Variants in DAB1 observed in about 807,000 individuals in gnomAD.
DAB1 encodes DAB adaptor protein 1, also known as disabled homolog 1.
Under a neutral mutation model 64.6 loss-of-function variants are expected in DAB1, and 15 were observed. That is an observed-to-expected ratio of 0.23 (90% confidence interval 0.16 to 0.36). The LOEUF (loss-of-function observed/expected upper bound fraction) is 0.36, where lower values mean the gene tolerates loss of function less well. DAB1 is among the 10% of genes least tolerant of loss of function. The pLI, the probability that DAB1 is intolerant of heterozygous loss-of-function variation, is 1.00. For synonymous variants in DAB1, 235 were observed against 251.9 expected, an observed-to-expected ratio of 0.93 and a Z score of 0.64; for missense variants, 596 against 706.7, an observed-to-expected ratio of 0.84 and a Z score of 1.78.
chr1:57,307,814 T>C (rs60311519), intron 1 of DAB1, among the ~76,000 whole-genome samples: 16,990 of 151,996 alleles, frequency 0.11, 1,140 homozygotes, highest in African/African-American at 0.18. Flanking sequence ...TAGACCATAC[T>C]CTCTTCCCTG....
chr1:57,313,651 C>T (rs1008428448), intron 1 of DAB1, among the ~76,000 whole-genome samples: 8 of 152,186 alleles, frequency 5.3e-5, no homozygotes, highest in South Asian at 2.1e-4. Flanking sequence ...CCTCCCACCA[C>T]GCCTGTTCCA....
intron 4 of DAB1, among the ~76,000 whole-genome samples, chr1:57,117,615 G>A (rs967259717): frequency 1.2e-4 from 18 of 152,138 alleles, no homozygotes; most frequent in African/African-American, 1.9e-4. Flanking sequence ...GGTGCAGTGC[G>A]GTATATGTCA....
At chr1:57,532,642 T>C (rs1189539989) in intron 7 of DAB1, among the ~76,000 whole-genome samples, 1 of 152,184 alleles carries the variant, frequency 6.6e-6, no homozygotes, top group Admixed American at 6.5e-5. Context: ...TACTCCATCT[T>C]GTAGGATGTG....
At chr1:58,186,337 T>G (rs1657074291) in intron 4 of DAB1, among the ~76,000 whole-genome samples, 2 of 152,202 alleles carry the variant, frequency 1.3e-5, no homozygotes, top group Admixed American at 6.5e-5. Context: ...CTCTGCCTCT[T>G]TCTGAGATTT....
At chr1:58,201,722 TCTC>T (rs928050466) in intron 4 of DAB1, among the ~76,000 whole-genome samples, 2 of 152,226 alleles carry the variant, frequency 1.3e-5, no homozygotes, top group Admixed American at 1.3e-4. Context: ...TGATATCCGA[TCTC>T]CTGCTTTCTC....
chr1:58,074,523 C>CATATATAT (rs1233352276), intron 5 of DAB1: 30 of 84,146 alleles, frequency 3.6e-4, no homozygotes, highest in African/African-American at 8.6e-4. Flanking sequence ...AATATATATA[C>CATATATAT]ATATATATAT....
intron 3 of DAB1, among the ~76,000 whole-genome samples, chr1:58,447,644 G>A (rs551205349): frequency 2.0e-5 from 3 of 152,176 alleles, no homozygotes; most frequent in East Asian, 1.9e-4. Flanking sequence ...AAGAAGGAAC[G>A]ATACACAGTG....
intron 2 of DAB1, among the ~76,000 whole-genome samples, chr1:57,161,557 AC>A (rs1439028201): frequency 6.6e-6 from 1 of 152,248 alleles, no homozygotes; most frequent in African/African-American, 2.4e-5. Context: ...CCAGGCACTG[AC>A]AAAGTCGTAT....
At chr1:57,199,162 G>C (rs570540511) in intron 2 of DAB1, among the ~76,000 whole-genome samples, 1 of 152,324 alleles carries the variant, frequency 6.6e-6, no homozygotes, top group East Asian at 1.9e-4. Flanking sequence ...GCTCTGGTGA[G>C]TGTCTTTGTT....
At chr1:58,040,051 T>C (rs1647111328) in intron 5 of DAB1, among the ~76,000 whole-genome samples, 1 of 152,158 alleles carries the variant, frequency 6.6e-6, no homozygotes, top group African/African-American at 2.4e-5. Context: ...GGAGGAATGA[T>C]TGCATATTCA....
At chr1:57,438,881 T>TTCATCCTAC (rs1199350758) in intron 7 of DAB1, among the ~76,000 whole-genome samples, 4 of 152,224 alleles carry the variant, frequency 2.6e-5, no homozygotes, top group Admixed American at 2.0e-4. Context: ...TACTTTAGCA[T>TTCATCCTAC]TCATCCTACT....
chr1:57,113,044 G>C (rs1198040552), intron 4 of DAB1, among the ~76,000 whole-genome samples: 1 of 152,144 alleles, frequency 6.6e-6, no homozygotes, highest in Admixed American at 6.5e-5. Context: ...GGAGGAAAAA[G>C]GGGGTGAACA....
chr1:57,527,721 T>G (rs1013522294), intron 7 of DAB1, among the ~76,000 whole-genome samples: 1 of 152,172 alleles, frequency 6.6e-6, no homozygotes, highest in Non-Finnish European at 1.5e-5. Context: ...AATAACAAAA[T>G]TATATTTTCA....
chr1:58,005,523 C>CATA (rs1336790727), intron 5 of DAB1, among the ~76,000 whole-genome samples: 1 of 149,684 alleles, frequency 6.7e-6, no homozygotes, highest in East Asian at 2.0e-4. Context: ...AATCAGTAAA[C>CATA]ATGCTATATC....
intron 5 of DAB1, among the ~76,000 whole-genome samples, chr1:58,037,583 T>C (rs759271092): frequency 7.2e-5 from 11 of 152,144 alleles, no homozygotes; most frequent in East Asian, 1.9e-4. Flanking sequence ...GATGCCTGAT[T>C]GAGATTGATC....
At chr1:57,172,939 C>T (rs1004933172) in intron 2 of DAB1, among the ~76,000 whole-genome samples, 4 of 152,158 alleles carry the variant, frequency 2.6e-5, no homozygotes, top group Non-Finnish European at 5.9e-5. Flanking sequence ...CCAGTCCATG[C>T]CCTTTCCACT....
intron 4 of DAB1, among the ~76,000 whole-genome samples, chr1:58,253,881 T>A (rs1660862370): frequency 6.6e-6 from 1 of 152,152 alleles, no homozygotes; most frequent in Admixed American, 6.5e-5. Flanking sequence ...GAGCTTCTGT[T>A]TTTCAACTGG....
At chr1:57,317,217 A>G (rs1675287784) in intron 1 of DAB1, among the ~76,000 whole-genome samples, 1 of 152,100 alleles carries the variant, frequency 6.6e-6, no homozygotes, top group Non-Finnish European at 1.5e-5. Flanking sequence ...AGGTCCACCA[A>G]CGGCCCCTTG....
chr1:58,502,215 G>A (rs778486391), intron 3 of DAB1, among the ~76,000 whole-genome samples: 106 of 152,074 alleles, frequency 7.0e-4, no homozygotes, highest in Non-Finnish European at 1.3e-3. Flanking sequence ...AAATCAAAAT[G>A]ATCAAAATTT....
Sources: gnomAD v4.1 joint callset for allele counts (sites outside exome capture counted in the v4.1 genomes callset) on GRCh38, gnomAD v4.1.1 for gene constraint, MANE v1.5 for transcripts, NCBI Gene and HGNC (gene_info 2026-07-23, HGNC 2026-07-21) for gene names.